The following CHRDL1 variants were observed in gnomAD, a reference collection of about 807,000 sequenced individuals.
CHRDL1 encodes the protein chordin like 1, also known as chordin-like protein 1.
CHRDL1 carries 19 observed loss-of-function variants against 40.9 expected under a neutral mutation model. The ratio of observed to expected loss-of-function variants is 0.46; its 90% CI spans 0.32 to 0.68. The LOEUF (loss-of-function observed/expected upper bound fraction) is 0.68. Among genes scored for constraint, CHRDL1 ranks in the 30% least tolerant of loss-of-function variants. The pLI is 0.03. For missense variants in CHRDL1, 329 were observed against 352.1 expected (o/e 0.93, Z 0.53); for synonymous variants, 136 against 123.4 (o/e 1.10, Z -0.68).
chrX:110,679,931 A>T (rs932947958), intron 10 of CHRDL1, among the ~76,000 whole-genome samples: 3 of 112,102 alleles, frequency 2.7e-5, no homozygotes, highest in Non-Finnish European at 5.6e-5. Flanking sequence ...CCTTTGGGAA[A>T]TATTCACAGA....
chrX:110,793,659 G>A (rs2090137980), intron 1 of CHRDL1, among the ~76,000 whole-genome samples: 1 of 112,228 alleles, frequency 8.9e-6, no homozygotes. Flanking sequence ...ATTCTAATAA[G>A]TTTATTCCCC....
At chrX:110,789,487 G>A (rs188118205) in intron 2 of CHRDL1, among the ~76,000 whole-genome samples, 140 of 111,727 alleles carry the variant, frequency 1.3e-3, no homozygotes, top group African/African-American at 4.0e-3. Flanking sequence ...AGCAAAAACC[G>A]GAAACAACCT....
intron 10 of CHRDL1, among the ~76,000 whole-genome samples, chrX:110,681,080 C>T (rs2069886079): frequency 8.9e-6 from 1 of 111,900 alleles, no homozygotes; most frequent in Non-Finnish European, 1.9e-5. Flanking sequence ...ATTACAATCA[C>T]CTGAGAAGCA....
At chrX:110,722,199 G>C (rs1310406078) in intron 4 of CHRDL1, among the ~76,000 whole-genome samples, 1 of 109,634 alleles carries the variant, frequency 9.1e-6, no homozygotes, top group Admixed American at 9.6e-5. Context: ...GTTTCACCAT[G>C]TTGACCAGGC....
At chrX:110,717,492 G>A (rs777343604) in intron 6 of CHRDL1, among the ~76,000 whole-genome samples, 33 of 111,631 alleles carry the variant, frequency 3.0e-4, no homozygotes, top group Non-Finnish European at 5.7e-4. Context: ...CCTTTCAGTG[G>A]CAGAACACTG....
chrX:110,719,112 TA>T lies in CHRDL1; in HGVS notation c.541+722del, dbSNP rs371954750. 3.5e-3 allele frequency among the ~76,000 whole-genome samples: 384 copies of T among 110,922 alleles called. 2 individuals are homozygous for T. Among genetic ancestry groups the T allele is most frequent in the African/African-American group, 0.012 (362 of 30,518 alleles). ...ATGGTCAAAAAATATGTTGACTGGA[TA>T]GAAGGAAAAAGGACAAAATAAGGAT... On this transcript the variant is annotated intron_variant, in intron 6 of 11. Transcript: ENST00000372042.
At chrX:110,712,100 T>G (rs1329495414) in intron 6 of CHRDL1, among the ~76,000 whole-genome samples, 1 of 111,916 alleles carries the variant, frequency 8.9e-6, no homozygotes, top group Non-Finnish European at 1.9e-5. Context: ...GATATATGAT[T>G]AATATTATGT....
chrX:110,792,557 T>C (rs2090119733), intron 1 of CHRDL1, among the ~76,000 whole-genome samples: 1 of 112,198 alleles, frequency 8.9e-6, no homozygotes, highest in Non-Finnish European at 1.9e-5. Context: ...AAGGGAAACT[T>C]TAGCTTGCAA....
At chrX:110,732,827 G>T (rs933282591) in intron 4 of CHRDL1, among the ~76,000 whole-genome samples, 5 of 111,703 alleles carry the variant, frequency 4.5e-5, no homozygotes, top group Non-Finnish European at 9.4e-5. Flanking sequence ...TGTACTATTT[G>T]TTTGCTGTGT....
intron 4 of CHRDL1, among the ~76,000 whole-genome samples, chrX:110,747,643 T>C (rs1180203760): frequency 8.9e-6 from 1 of 112,337 alleles, no homozygotes; most frequent in Non-Finnish European, 1.9e-5. Flanking sequence ...CTTACATACG[T>C]ACAACATAAA....
intron 4 of CHRDL1, among the ~76,000 whole-genome samples, chrX:110,750,048 C>T (rs943962857): frequency 3.6e-5 from 4 of 111,222 alleles, no homozygotes; most frequent in African/African-American, 9.8e-5. Flanking sequence ...CTCCTTAGGC[C>T]CTTCCTTCAA....
intron 2 of CHRDL1, among the ~76,000 whole-genome samples, chrX:110,767,337 C>A (rs1297990723): frequency 9.0e-6 from 1 of 110,681 alleles, no homozygotes; most frequent in African/African-American, 3.3e-5. Flanking sequence ...GAAGTCCTAG[C>A]CAGAGCAATC....
intron 6 of CHRDL1, among the ~76,000 whole-genome samples, chrX:110,718,402 C>T (rs1306689067): frequency 8.9e-6 from 1 of 112,354 alleles, no homozygotes; most frequent in Admixed American, 9.4e-5. Flanking sequence ...TCACAACCTT[C>T]CAATAGCTTC....
chrX:110,784,281 C>G (rs1416053702), intron 2 of CHRDL1, among the ~76,000 whole-genome samples: 1 of 111,994 alleles, frequency 8.9e-6, no homozygotes, highest in African/African-American at 3.2e-5. Context: ...CATTTCCAGC[C>G]TGCAGACGCC....
At chrX:110,779,394 CTA>C (rs1003229628) in intron 2 of CHRDL1, among the ~76,000 whole-genome samples, 3 of 111,439 alleles carry the variant, frequency 2.7e-5, no homozygotes, top group African/African-American at 9.8e-5. Context: ...GGTGTGAAAT[CTA>C]TGTCTAGATT....
chrX:110,795,347 C>T (rs1485479068), intron 1 of CHRDL1, among the ~76,000 whole-genome samples: 1 of 111,996 alleles, frequency 8.9e-6, no homozygotes, highest in Non-Finnish European at 1.9e-5. Flanking sequence ...TACCCTGCTA[C>T]ATTAACTTTA....
At chrX:110,723,994 G>A (rs749182947) in intron 4 of CHRDL1, among the ~76,000 whole-genome samples, 41 of 112,344 alleles carry the variant, frequency 3.6e-4, no homozygotes, top group Non-Finnish European at 6.0e-4. Flanking sequence ...GCCCACAAGC[G>A]TATACAATCA....
At chrX:110,768,626 C>T (rs1019905704) in intron 2 of CHRDL1, among the ~76,000 whole-genome samples, 8 of 111,085 alleles carry the variant, frequency 7.2e-5, no homozygotes, top group Non-Finnish European at 9.4e-5. Context: ...TTCTTCCATG[C>T]TGGATGCTTC....
intron 4 of CHRDL1, among the ~76,000 whole-genome samples, chrX:110,735,561 C>T (rs2071247826): frequency 8.9e-6 from 1 of 112,062 alleles, no homozygotes; most frequent in Admixed American, 9.5e-5. Context: ...TCAGCTAAGA[C>T]CTAACACGTT....
Sources: allele counts gnomAD v4.1 joint callset (sites outside exome capture counted in the v4.1 genomes callset), GRCh38; gene constraint gnomAD v4.1.1; transcripts MANE v1.5; gene names NCBI Gene and HGNC (gene_info 2026-07-23, HGNC 2026-07-21).